The following MICAL3 variants were observed in gnomAD, a reference collection of about 807,000 sequenced individuals.
MICAL3 encodes microtubule associated monooxygenase, calponin and LIM domain containing 3.
A neutral mutation model predicts 207.4 loss-of-function variants in MICAL3; 62 were observed. The observed-to-expected ratio is 0.30, with a 90% CI of 0.24 to 0.37. MICAL3 has a LOEUF of 0.37. Ranked by LOEUF, MICAL3 falls within the 10% of genes least tolerant of loss-of-function variation. MICAL3 has a pLI of 1.00. For missense variants in MICAL3, 2,368 were observed against 2,635.6 expected, an observed-to-expected ratio of 0.90 and a Z score of 2.22; for synonymous variants, 1,077 against 1,069.3, an observed-to-expected ratio of 1.01 and a Z score of -0.14.
chr22:17,971,900 T>C (rs959266886), intron 1 of MICAL3, among the ~76,000 whole-genome samples: 2 of 152,156 alleles, frequency 1.3e-5, no homozygotes, highest in Non-Finnish European at 2.9e-5. Context: ...CAGGCGACAA[T>C]GCACATGGCC....
In MICAL3 at chr22:17,902,685, C is replaced by T. The variant is rs755451788; in HGVS notation, c.535G>A (p.Val179Ile). The T allele has an allele frequency of 1.9e-5, 30 of 1,607,878 alleles. No individual in the cohort carries two copies. The Middle Eastern group carries it at 5.0e-4, about 27-fold the overall frequency. The part of the protein sequence containing the change: ...VALILGIEIH[V>I]NVEFQGLIQP... Reference sequence around the variant, plus strand: ...ATAAGTCCTTGGAATTCCACATTGACGTGGATTTCAATGCCTAGGATCAAG... The same window carrying T: ...ATAAGTCCTTGGAATTCCACATTGATGTGGATTTCAATGCCTAGGATCAAG... Residue 179 changes from valine (V) to isoleucine (I), a missense_variant, in exon 4 of 32, where the codon GTC becomes ATC. Around this residue, in one of 4 missense-constraint regions of MICAL3, gnomAD observed 400 missense variants for 547.0 expected, o/e 0.73. Transcript: ENST00000441493. This position sits in a 1 kb window ranked among gnomAD's most constrained non-coding sequence, Gnocchi z 4.5.
chr22:18,002,359 G>A (rs957015740), intron 1 of MICAL3, among the ~76,000 whole-genome samples: 6 of 152,142 alleles, frequency 3.9e-5, no homozygotes, highest in South Asian at 2.1e-4. Context: ...GGGCGGGCGC[G>A]GTGGCACACG....
At chr22:17,852,579 C>G (rs1178135291) in intron 19 of MICAL3, among the ~76,000 whole-genome samples, 1 of 152,206 alleles carries the variant, frequency 6.6e-6, no homozygotes, top group Non-Finnish European at 1.5e-5. Flanking sequence ...CTATCATCAC[C>G]CATAAAACAC....
intron 1 of MICAL3, among the ~76,000 whole-genome samples, chr22:17,915,961 C>T (rs369005402): frequency 6.7e-6 from 1 of 148,672 alleles, no homozygotes; most frequent in African/African-American, 2.5e-5. Context: ...CATAGATGCA[C>T]ACCTGTCGTC....
At chr22:17,851,492 A>G (rs936946518) in intron 19 of MICAL3, among the ~76,000 whole-genome samples, 1 of 152,242 alleles carries the variant, frequency 6.6e-6, no homozygotes, top group Non-Finnish European at 1.5e-5. Flanking sequence ...CCATCAGTGC[A>G]TCAGGGTAGG....
intron 29 of MICAL3, among the ~76,000 whole-genome samples, chr22:17,805,586 G>C (rs2061981428): frequency 6.6e-6 from 1 of 152,218 alleles, no homozygotes; most frequent in South Asian, 2.1e-4. Context: ...AAAGGAAGGA[G>C]TTTGCACTAC....
At chr22:17,907,531 A>C (rs982766450) in intron 1 of MICAL3, among the ~76,000 whole-genome samples, 1 of 152,166 alleles carries the variant, frequency 6.6e-6, no homozygotes, top group African/African-American at 2.4e-5. Flanking sequence ...TACAAATGTG[A>C]AGTTCAGGGA....
chr22:17,884,490 G>T, intron 16 of MICAL3: 1 of 643,316 alleles, frequency 1.6e-6, no homozygotes, highest in South Asian at 2.2e-5. Context: ...GTGGGGAAGA[G>T]GGGGACTCAT....
intron 1 of MICAL3, among the ~76,000 whole-genome samples, chr22:17,922,321 C>T (rs1932819984): frequency 6.6e-6 from 1 of 152,102 alleles, no homozygotes; most frequent in Non-Finnish European, 1.5e-5. Context: ...AGAAGTCTCG[C>T]CTGGGCCATA....
chr22:17,818,945 G>A lies in MICAL3; in HGVS notation c.3716C>T (p.Pro1239Leu), dbSNP rs762023839. The A allele has an allele frequency of 5.6e-6, 9 of 1,595,806 alleles. No homozygotes were observed. The Admixed American group carries it at 1.6e-4, about 28-fold the overall frequency. Reference sequence around the variant, plus strand: ...GGGTGGCTGGGGCTGCGGGCTCCCTGGTGAGACAGGAGTCCTAGCTTCTGG... The same window carrying A: ...GGGTGGCTGGGGCTGCGGGCTCCCTAGTGAGACAGGAGTCCTAGCTTCTGG... ...TLPEARTPVS[P>L]GSPQPQPPVA... Residue 1239 changes from proline to leucine, a missense_variant, in exon 26 of 32, where the codon CCA becomes CTA. By Grantham distance (98) the Pro-to-Leu change is moderately conservative. This residue lies in a region of MICAL3 where 1,770 missense variants were observed against 1,863.2 expected (regional missense o/e 0.95). Transcript: ENST00000441493.
At chr22:18,001,082 G>A (rs1269014601) in intron 1 of MICAL3, 1 of 152,128 alleles carries the variant, frequency 6.6e-6, no homozygotes, top group African/African-American at 2.4e-5. Flanking sequence ...AGGACCAGCC[G>A]GCGCACCTGG....
chr22:17,879,621 C>T (rs558735953), intron 16 of MICAL3, among the ~76,000 whole-genome samples: 4 of 152,270 alleles, frequency 2.6e-5, no homozygotes, highest in East Asian at 1.9e-4. Context: ...TGGCCTCCGA[C>T]GAGGCCAGCT....
chr22:17,906,995 C>T (rs2146268762), intron 1 of MICAL3, 109 bp from the exon 2 acceptor site: 1 of 598,830 alleles, frequency 1.7e-6, no homozygotes, highest in East Asian at 2.8e-5. Flanking sequence ...GTCATCCATC[C>T]ATAAGTGTGG....
chr22:17,963,040 C>T (rs537646695), intron 1 of MICAL3, among the ~76,000 whole-genome samples: 23 of 152,228 alleles, frequency 1.5e-4, no homozygotes, highest in African/African-American at 5.1e-4. Flanking sequence ...GTGTGAGCCA[C>T]CACACCTAGC....
At chr22:17,792,097 G>A (rs1490899397) in intron 29 of MICAL3, among the ~76,000 whole-genome samples, 2 of 152,226 alleles carry the variant, frequency 1.3e-5, no homozygotes, top group Non-Finnish European at 1.5e-5. Flanking sequence ...GGGACGGCCT[G>A]ACCACTGGGC....
Position 17,888,401 on chromosome 22 carries a change from A to G in MICAL3, c.1891+633T>C, listed in dbSNP as rs555912783. Among the ~76,000 whole-genome samples the G allele has an allele frequency of 2.1e-4, 32 of 151,342 alleles. No individual in the cohort carries two copies. In the South Asian group the frequency reaches 6.7e-3, roughly 32 times the overall value. On this transcript the variant is annotated intron_variant, in intron 13 of 31. Transcript: ENST00000441493. Reference sequence around the variant, plus strand: ...TGAGACAGCAAGCTGAGAGACAAGCAAAGATTTTTGGGAAGTGCTAACAAG... The same window carrying G: ...TGAGACAGCAAGCTGAGAGACAAGCGAAGATTTTTGGGAAGTGCTAACAAG...
intron 1 of MICAL3, among the ~76,000 whole-genome samples, chr22:17,953,456 C>G (rs1460821104): frequency 6.6e-6 from 1 of 152,024 alleles, no homozygotes; most frequent in Non-Finnish European, 1.5e-5. Flanking sequence ...ACGATCTGTA[C>G]AGAAAGGTCA....
At chr22:17,875,470 G>C (rs1928198118) in intron 16 of MICAL3, 1 of 1,561,398 alleles carries the variant, frequency 6.4e-7, no homozygotes, top group African/African-American at 1.4e-5. Context: ...TCGGAGGAGG[G>C]AGAGGCGGGG....
chr22:17,975,070 G>A (rs1002843036), intron 1 of MICAL3, among the ~76,000 whole-genome samples: 4 of 152,212 alleles, frequency 2.6e-5, no homozygotes, highest in East Asian at 1.9e-4. Context: ...AAAGGCCAGC[G>A]TGGCACAGAT....
Sources: allele counts gnomAD v4.1 joint callset (sites outside exome capture counted in the v4.1 genomes callset), GRCh38; gene constraint gnomAD v4.1.1; regional missense constraint gnomAD v4.1.1; non-coding constraint Gnocchi (gnomAD v3.1); transcripts MANE v1.5; gene names NCBI Gene and HGNC (gene_info 2026-07-23, HGNC 2026-07-21).